Variants in RTTN observed in about 807,000 individuals in gnomAD.
RTTN encodes the protein rotatin.
RTTN carries 182 observed loss-of-function variants against 269.2 expected under a neutral mutation model. The observed-to-expected ratio is 0.68, with a 90% CI of 0.60 to 0.76. RTTN has a LOEUF of 0.76. Among genes scored for constraint, RTTN ranks in the 30% least tolerant of loss-of-function variants. RTTN has a pLI of 0.00. For synonymous variants in RTTN, 1,006 were observed against 963.5 expected, an observed-to-expected ratio of 1.04 and a Z score of -0.82; for missense variants, 2,545 against 2,608.6, an observed-to-expected ratio of 0.98 and a Z score of 0.53.
rs768280717 is a variant in RTTN, at chr18:70,148,948, A to G, written c.2262T>C (p.Thr754=). 5.6e-6 allele frequency: 9 copies of G among 1,613,554 alleles called. No homozygotes were observed. The highest frequency in any genetic ancestry group is 7.6e-6 in the Non-Finnish European group (9 of 1,179,660). ...GTCGCAGCATGGACTTTAATCGGGT[A>G]GTACACGGAAGCATCTCTTCTGTGT... ...SSDTEEMLPC[T]TRLKSMLRLL... Residue 754 remains threonine, a synonymous_variant, in exon 17 of 49, where the codon ACT becomes ACC. Transcript: ENST00000640769.
At chr18:70,008,343 C>CTT (rs1474628458) in intron 46 of RTTN, 1 of 152,082 alleles carries the variant, frequency 6.6e-6, no homozygotes, top group Non-Finnish European at 1.5e-5. Flanking sequence ...CAGAATAACT[C>CTT]TTCTCTTCCA....
intron 9 of RTTN, among the ~76,000 whole-genome samples, chr18:70,190,030 A>G (rs773657306): frequency 6.6e-6 from 1 of 152,204 alleles, no homozygotes; most frequent in Admixed American, 6.5e-5. Context: ...TTTGTTTTTA[A>G]CATGTTAAGT....
chr18:70,157,285 A>C (rs1287905816), intron 14 of RTTN, among the ~76,000 whole-genome samples: 1 of 152,080 alleles, frequency 6.6e-6, no homozygotes, highest in Non-Finnish European at 1.5e-5. Context: ...ACCTCAAGGG[A>C]CCAGAAATCA....
intron 34 of RTTN, among the ~76,000 whole-genome samples, chr18:70,073,135 A>G: frequency 6.6e-6 from 1 of 152,140 alleles, no homozygotes; most frequent in East Asian, 1.9e-4. Flanking sequence ...GATATGTTGT[A>G]TAATACACTA....
At chr18:70,038,050 G>C (rs1042483330) in intron 40 of RTTN, among the ~76,000 whole-genome samples, 3 of 152,240 alleles carry the variant, frequency 2.0e-5, no homozygotes, top group Non-Finnish European at 4.4e-5. Context: ...GAGAAGAGCA[G>C]AAAGGACCCA....
chr18:70,157,918 A>T (rs2060725803), intron 14 of RTTN, among the ~76,000 whole-genome samples: 1 of 10,638 alleles, frequency 9.4e-5, no homozygotes, highest in South Asian at 0.056. Flanking sequence ...AAAAGAATTA[A>T]AAAAAAAAAC....
At chr18:70,087,240 A>C (rs995594109) in intron 31 of RTTN, among the ~76,000 whole-genome samples, 1 of 152,228 alleles carries the variant, frequency 6.6e-6, no homozygotes, top group Non-Finnish European at 1.5e-5. Flanking sequence ...TGCTTAATGA[A>C]AGATGAAATA....
intron 34 of RTTN, among the ~76,000 whole-genome samples, chr18:70,073,548 A>T (rs968351046): frequency 6.6e-6 from 1 of 152,142 alleles, no homozygotes; most frequent in Non-Finnish European, 1.5e-5. Context: ...CTTTCGTACT[A>T]TCAAAAAAGG....
chr18:70,182,639 G>A (rs1486706096), intron 10 of RTTN, among the ~76,000 whole-genome samples: 1 of 152,094 alleles, frequency 6.6e-6, no homozygotes, highest in Non-Finnish European at 1.5e-5. Context: ...GATATTAAAT[G>A]ACAAATGATT....
At chr18:70,193,202 G>T in intron 8 of RTTN, 86 bp downstream of exon 8, 32 of 990,264 alleles carry the variant, frequency 3.2e-5, no homozygotes, top group Non-Finnish European at 4.2e-5. Flanking sequence ...AAAAAGGACA[G>T]AAAAATAATT....
chr18:70,078,778 T>C (rs1277473196), intron 32 of RTTN, among the ~76,000 whole-genome samples: 1 of 151,946 alleles, frequency 6.6e-6, no homozygotes, highest in Non-Finnish European at 1.5e-5. Flanking sequence ...AATGTAAACA[T>C]AATCAACGCT....
intron 14 of RTTN, among the ~76,000 whole-genome samples, chr18:70,160,535 C>T (rs1181136922): frequency 1.3e-5 from 2 of 151,814 alleles, no homozygotes; most frequent in Admixed American, 6.6e-5. Context: ...TGCCAACTCT[C>T]ACCACTTCTA....
At chr18:70,029,334 A>G (rs2056946997) in intron 42 of RTTN, among the ~76,000 whole-genome samples, 1 of 152,236 alleles carries the variant, frequency 6.6e-6, no homozygotes, top group African/African-American at 2.4e-5. Context: ...ATATATTTAT[A>G]CTATTCACAC....
At chr18:70,047,877 TA>T (rs1321227217) in intron 40 of RTTN, 93 bp downstream of exon 40, 1 of 952,212 alleles carries the variant, frequency 1.1e-6, no homozygotes, top group Non-Finnish European at 1.6e-6. Flanking sequence ...TTTCTTAATT[TA>T]AATGACTGAG....
At chr18:70,055,112 G>C (rs1435127826) in intron 37 of RTTN, among the ~76,000 whole-genome samples, 3 of 151,986 alleles carry the variant, frequency 2.0e-5, no homozygotes, top group African/African-American at 7.2e-5. Flanking sequence ...ACCATCTCTG[G>C]AATTTGCCTG....
intron 32 of RTTN, among the ~76,000 whole-genome samples, chr18:70,079,572 G>A (rs1462039580): frequency 1.3e-5 from 2 of 152,048 alleles, no homozygotes; most frequent in South Asian, 4.1e-4. Context: ...GGAAATTAGA[G>A]CAATCAGGTC....
chr18:70,092,180 C>T lies in RTTN; in HGVS notation c.4073G>A (p.Ser1358Asn), dbSNP rs2058866875. 6.2e-7 allele frequency: 1 copy of T among 1,613,372 alleles called. No individual in the cohort carries two copies. Among genetic ancestry groups the T allele is most frequent in the Admixed American group, 1.7e-5 (1 of 59,954 alleles). ...TTGTTGAGTAGGAATATGTTCTTCA[C>T]TATGACTACCCAAAGGCAAGAACCA... Reference protein sequence around the residue: ...SLWFLPLGSHSEEHIPTQQGL... With the variant: ...SLWFLPLGSHNEEHIPTQQGL... Residue 1358 changes from serine (S) to asparagine (N), a missense_variant, in exon 30 of 49, where the codon AGT becomes AAT. By Grantham distance (46) the Ser-to-Asn change is conservative. Transcript: ENST00000640769.
At chr18:70,041,434 G>A (rs1005827919) in intron 40 of RTTN, among the ~76,000 whole-genome samples, 1 of 151,888 alleles carries the variant, frequency 6.6e-6, no homozygotes, top group Non-Finnish European at 1.5e-5. Context: ...ATGGATGAGA[G>A]GCAAGTGTAT....
chr18:70,074,543 A>T (rs1254034003), intron 33 of RTTN, among the ~76,000 whole-genome samples: 1 of 152,096 alleles, frequency 6.6e-6, no homozygotes, highest in Non-Finnish European at 1.5e-5. Context: ...GTATATATAG[A>T]TCATACATAT....
Sources: gnomAD v4.1 joint callset for allele counts (sites outside exome capture counted in the v4.1 genomes callset) on GRCh38, gnomAD v4.1.1 for gene constraint, MANE v1.5 for transcripts, NCBI Gene and HGNC (gene_info 2026-07-23, HGNC 2026-07-21) for gene names.